SYTL5: variants seen among roughly 807,000 people sequenced by gnomAD.
The protein encoded by SYTL5 is synaptotagmin-like protein 5.
SYTL5 carries 34 observed loss-of-function variants against 55.9 expected under a neutral mutation model. The observed-to-expected ratio is 0.61, with a 90% CI of 0.46 to 0.81. The LOEUF is 0.81. SYTL5 is among the 30% of genes least tolerant of loss of function. The pLI is 0.00. For missense variants in SYTL5, 637 were observed against 546.7 expected (o/e 1.17, Z -1.65); for synonymous variants, 221 against 188.7 (o/e 1.17, Z -1.40).
the SYTL5 span, among the ~76,000 whole-genome samples, chrX:37,889,524 A>C: frequency 6.3e-5 from 7 of 111,884 alleles, no homozygotes; most frequent in South Asian, 1.1e-3. Flanking sequence ...CACAGGTTTT[A>C]ATGTTTTTAC....
the SYTL5 span, among the ~76,000 whole-genome samples, chrX:37,936,636 G>A: frequency 8.9e-6 from 1 of 112,018 alleles, no homozygotes; most frequent in Non-Finnish European, 1.9e-5. Context: ...AATTCTTATG[G>A]TCAACCAGGA....
chrX:38,071,800 G>T (rs1197057815), intron 3 of SYTL5, among the ~76,000 whole-genome samples: 2 of 111,706 alleles, frequency 1.8e-5, no homozygotes, highest in Non-Finnish European at 3.8e-5. Flanking sequence ...ATAACATTAG[G>T]ATAATAGTGT....
chrX:38,058,159 T>C (rs1170245148), intron 3 of SYTL5, among the ~76,000 whole-genome samples: 1 of 111,519 alleles, frequency 9.0e-6, no homozygotes, highest in Non-Finnish European at 1.9e-5. Context: ...GATTTTTATA[T>C]TTTAATGTGG....
chrX:37,986,959 C>T, the SYTL5 span, among the ~76,000 whole-genome samples: 3 of 111,515 alleles, frequency 2.7e-5, no homozygotes, highest in Admixed American at 9.5e-5. Flanking sequence ...TGTTGGTGTG[C>T]TGCACCCATT....
At chrX:38,034,296 C>T (rs73632433) in intron 2 of SYTL5, among the ~76,000 whole-genome samples, 1 of 112,516 alleles carries the variant, frequency 8.9e-6, no homozygotes, top group African/African-American at 3.2e-5. Flanking sequence ...TGAGTACCAG[C>T]TCTGGCAAGT....
chrX:38,024,318 G>A (rs978373901), intron 1 of SYTL5, among the ~76,000 whole-genome samples: 1 of 110,822 alleles, frequency 9.0e-6, no homozygotes, highest in Non-Finnish European at 1.9e-5. Flanking sequence ...TCGCTCTTTT[G>A]CCTGCCACCA....
chrX:38,004,580 G>C (rs1450567343), upstream of SYTL5, among the ~76,000 whole-genome samples: 1 of 111,774 alleles, frequency 8.9e-6, no homozygotes, highest in African/African-American at 3.2e-5. Context: ...ACACAATAGA[G>C]TGCTACCATC....
intron 6 of SYTL5, among the ~76,000 whole-genome samples, chrX:38,082,745 A>G (rs909483416): frequency 1.8e-5 from 2 of 112,341 alleles, no homozygotes; most frequent in African/African-American, 6.5e-5. Context: ...AATGAGGAGG[A>G]CTTGGCCAGG....
chrX:38,123,888 T>C (rs918904687), intron 15 of SYTL5, among the ~76,000 whole-genome samples: 1 of 112,233 alleles, frequency 8.9e-6, no homozygotes, highest in Non-Finnish European at 1.9e-5. Flanking sequence ...GGAGCAAGAA[T>C]AGACCCTCTG....
chrX:37,938,617 GTCTC>G, the SYTL5 span, among the ~76,000 whole-genome samples: 1 of 110,697 alleles, frequency 9.0e-6, no homozygotes, highest in African/African-American at 3.3e-5. Context: ...CTCTCTCTCT[GTCTC>G]TCTTTCTCTC....
chrX:37,911,701 A>T, the SYTL5 span, among the ~76,000 whole-genome samples: 2 of 111,576 alleles, frequency 1.8e-5, no homozygotes, highest in Non-Finnish European at 3.8e-5. Flanking sequence ...TGAAGAAAAT[A>T]TTTTACCTGA....
At chrX:38,117,465 T>C (rs1937512371) in intron 13 of SYTL5, among the ~76,000 whole-genome samples, 1 of 112,121 alleles carries the variant, frequency 8.9e-6, no homozygotes, top group African/African-American at 3.2e-5. Flanking sequence ...CGTATTTTCA[T>C]ACCCGAAGAT....
chrX:37,998,890 A>G, the SYTL5 span, among the ~76,000 whole-genome samples: 2 of 112,634 alleles, frequency 1.8e-5, no homozygotes, highest in African/African-American at 6.5e-5. Context: ...TTAAATCTCC[A>G]ACTCTAATGT....
At chrX:38,082,191 C>T (rs746901871) in intron 6 of SYTL5, among the ~76,000 whole-genome samples, 1 of 112,023 alleles carries the variant, frequency 8.9e-6, no homozygotes, top group South Asian at 3.7e-4. Flanking sequence ...CCTGAAGCCT[C>T]CTCCTTGCTG....
chrX:38,105,895 A>G (rs1203184574), intron 10 of SYTL5, among the ~76,000 whole-genome samples: 3 of 111,195 alleles, frequency 2.7e-5, no homozygotes, highest in Admixed American at 9.5e-5. Context: ...TTTAAAATTT[A>G]TTTTCCTGAT....
the SYTL5 span, among the ~76,000 whole-genome samples, chrX:37,923,683 A>C: frequency 4.6e-5 from 5 of 108,811 alleles, no homozygotes; most frequent in African/African-American, 1.1e-4. Flanking sequence ...TTAGAAAAAC[A>C]TCACTACCAA....
intron 6 of SYTL5, among the ~76,000 whole-genome samples, chrX:38,084,899 G>A (rs1375120810): frequency 9.0e-6 from 1 of 110,701 alleles, no homozygotes; most frequent in Non-Finnish European, 1.9e-5. Context: ...TTCATATAAT[G>A]TTCATGTGTC....
At chrX:37,936,104 A>G in the SYTL5 span, among the ~76,000 whole-genome samples, 1 of 112,352 alleles carries the variant, frequency 8.9e-6, no homozygotes. Context: ...AGACTTTAAG[A>G]CAAAATTGTT....
intron 8 of SYTL5, among the ~76,000 whole-genome samples, chrX:38,095,272 A>T (rs1380230152): frequency 8.9e-6 from 1 of 111,804 alleles, no homozygotes; most frequent in Non-Finnish European, 1.9e-5. Flanking sequence ...TAGTTTAGAA[A>T]CCAACATCAT....
Sources: gnomAD v4.1 joint callset for allele counts (sites outside exome capture counted in the v4.1 genomes callset) on GRCh38, gnomAD v4.1.1 for gene constraint, MANE v1.5 for transcripts, NCBI Gene and HGNC (gene_info 2026-07-23, HGNC 2026-07-21) for gene names.